Variants in CLDND1 observed in about 807,000 individuals in gnomAD.
The protein encoded by CLDND1 is claudin domain containing 1, also known as claudin domain-containing protein 1.
CLDND1 carries 13 observed loss-of-function variants against 26.3 expected under a neutral mutation model. That is an observed-to-expected ratio of 0.49 (90% confidence interval 0.32 to 0.78). CLDND1 has a LOEUF of 0.78. CLDND1 is among the 30% of genes least tolerant of loss of function. The probability of loss-of-function intolerance (pLI) is 0.03; values close to 1 mark genes in which losing one functional copy is unlikely to be tolerated. For synonymous variants in CLDND1, 107 were observed against 107.0 expected, an observed-to-expected ratio of 1.00 and a Z score of 0.00; for missense variants, 289 against 312.8, an observed-to-expected ratio of 0.92 and a Z score of 0.57.
At chr3:98,517,484 G>A in intron 3 of CLDND1, 1 of 295,590 alleles carries the variant, frequency 3.4e-6, no homozygotes, top group Non-Finnish European at 6.3e-6. Context: ...AGTAGGTACA[G>A]TCAGCCCTCC....
chr3:98,522,705 T>G, intron 1 of CLDND1, 144 bp downstream of exon 1: 1 of 1,521,982 alleles, frequency 6.6e-7, no homozygotes, highest in Non-Finnish European at 8.8e-7. Flanking sequence ...GGCCCCGCCC[T>G]AGAGGGCTCG....
At position 98,521,426 on chromosome 3, in the gene CLDND1, C is replaced by T. The variant is rs757256814; in HGVS notation, c.-2G>A. 1 of 1,613,754 alleles carries T rather than the reference C, an allele frequency of 6.2e-7. No homozygotes were observed. The highest frequency in any genetic ancestry group is 2.2e-5 in the East Asian group (1 of 44,868). On this transcript the variant is annotated 5_prime_UTR_variant, in exon 2 of 5. Coordinates refer to ENST00000341181, the MANE Select transcript of CLDND1 (RefSeq NM_001040181.2). ...TGCTGTAGCAAAACGGTTATCCATT[C>T]TGGCATTCAGACTGCTCTGTTTAGA...
At position 98,521,385 on chromosome 3, in the gene CLDND1, C is replaced by G; in HGVS notation, c.40G>C (p.Val14Leu). The change falls in exon 2 of 5, where the codon GTG (valine) becomes CTG (leucine). Residue 14 changes from valine (V) to leucine (L), a missense_variant. Val to Leu is a conservative substitution (Grantham distance 32, BLOSUM62 1). Transcript: ENST00000341181. ...RFATAFVIAC[V>L]LSLISTIYMA... ...TAGATGGTGGAAATGAGGCTAAGCACACAAGCAATTACAAATGCTGTAGCA... is the reference window on the plus strand; with the variant it reads ...TAGATGGTGGAAATGAGGCTAAGCAGACAAGCAATTACAAATGCTGTAGCA... 6.2e-7 allele frequency: 1 copy of G among 1,614,166 alleles called. No homozygotes were observed. Among genetic ancestry groups the G allele is most frequent in the Non-Finnish European group, 8.5e-7 (1 of 1,180,026 alleles).
At chr3:98,519,143 G>C (rs753105242) in intron 2 of CLDND1, 148 bp from the exon 3 acceptor site, 3 of 577,606 alleles carry the variant, frequency 5.2e-6, no homozygotes, top group Non-Finnish European at 9.2e-6. Context: ...AGGTTTCATA[G>C]ATGTCCAATG....
At position 98,522,283 on chromosome 3, in the gene CLDND1, G is replaced by C. The variant is rs552047725; in HGVS notation, c.-19+566C>G. On this transcript the variant is annotated intron_variant, in intron 1 of 4. Transcript: ENST00000341181. Reference sequence around the variant, plus strand: ...TCCCAAGGCGTGGACAGGGCTCAACGGCAGTAGTAAATGGCCGCGGTAAAA... The same window carrying C: ...TCCCAAGGCGTGGACAGGGCTCAACCGCAGTAGTAAATGGCCGCGGTAAAA... 15 of 158,296 alleles carry C rather than the reference G, an allele frequency of 9.5e-5. No homozygotes were observed. The South Asian group carries it at 2.7e-3, about 28-fold the overall frequency. 9.8% of individuals were successfully genotyped at this position (158,296 alleles called of 1,614,324 possible).
chr3:98,516,058 T>C lies in CLDND1; in HGVS notation c.*601A>G. The C allele has an allele frequency of 1.7e-6, 2 of 1,155,500 alleles. No homozygotes were observed. The highest frequency in any genetic ancestry group is 1.1e-6 in the Non-Finnish European group (1 of 925,158). 71.6% of individuals were successfully genotyped at this position (1,155,500 alleles called of 1,614,324 possible). On this transcript the variant is annotated 3_prime_UTR_variant, in exon 5 of 5. Transcript: ENST00000341181. ...AAGTTAAAATTTCAAGTAAACACTG[T>C]ATTTTTCACTTTTTGTAGACAGACA...
In CLDND1 at chr3:98,516,868, G is replaced by C. The variant is rs779474164; in HGVS notation, c.553C>G (p.Leu185Val). Residue 185 changes from leucine to valine, a missense_variant, in exon 5 of 5, where the codon CTG becomes GTG. Coordinates refer to ENST00000341181, the MANE Select transcript of CLDND1 (RefSeq NM_001040181.2). The stretch of plus-strand genomic sequence containing the variant: ...GCAACATAACAACTTACTGAGCCCA[G>C]TGTACACAGACCTTGGGGGAAAATT... ...ILHLLAGLCTLGSVSCYVAGI... is the reference protein window; with the variant it reads ...ILHLLAGLCTVGSVSCYVAGI... 1 of 1,614,040 alleles carries C rather than the reference G, an allele frequency of 6.2e-7. No homozygotes were observed. The highest frequency in any genetic ancestry group is 8.5e-7 in the Non-Finnish European group (1 of 1,179,986).
chr3:98,521,516 A>T, intron 1 of CLDND1, 74 bp from the exon 2 acceptor site: 6 of 1,514,296 alleles, frequency 4.0e-6, no homozygotes, highest in Non-Finnish European at 5.4e-6. Context: ...GAATTATTCC[A>T]AATGCACCCT....
rs143386758 is a variant in CLDND1, at chr3:98,519,352, C to A, written c.293-357G>T. Among the ~76,000 whole-genome samples the A allele has an allele frequency of 2.0e-5, 3 of 152,294 alleles. No homozygotes were observed. In the East Asian group the frequency reaches 5.8e-4, roughly 29 times the overall value. Reference sequence around the variant, plus strand: ...AACCATATTCCCATCTCAGGGAATGCCAAATCCACACTTCCAGTTCCTCAG... The same window carrying A: ...AACCATATTCCCATCTCAGGGAATGACAAATCCACACTTCCAGTTCCTCAG... On this transcript the variant is annotated intron_variant, in intron 2 of 4. Transcript: ENST00000341181.
chr3:98,519,969 T>C (rs1176010890), intron 2 of CLDND1, among the ~76,000 whole-genome samples: 1 of 152,218 alleles, frequency 6.6e-6, no homozygotes, highest in Non-Finnish European at 1.5e-5. Context: ...ATATTCCTTT[T>C]CCCACATATT....
chr3:98,521,030 G>T, intron 2 of CLDND1, 103 bp downstream of exon 2: 1 of 971,658 alleles, frequency 1.0e-6, no homozygotes, highest in Non-Finnish European at 1.6e-6. Flanking sequence ...TTTAAGGAGA[G>T]AGAGAACCAA....
chr3:98,521,185 C>G lies in CLDND1; in HGVS notation c.240G>C (p.Arg80=). 2.5e-6 allele frequency: 4 copies of G among 1,614,202 alleles called. No homozygotes were observed. Among genetic ancestry groups the G allele is most frequent in the Non-Finnish European group, 2.5e-6 (3 of 1,180,018 alleles). Residue 80 remains arginine (R), a synonymous_variant, in exon 2 of 5, where the codon CGG becomes CGC. Coordinates refer to ENST00000341181, the MANE Select transcript of CLDND1 (RefSeq NM_001040181.2). ...GCATGTTTTTGGGTATGGTGATACA[C>G]CGTCTCCACAATCCCACTGTGCCAT... ...RYNGTVGLWR[R]CITIPKNMHW...
chr3:98,515,826 T>C lies in CLDND1; in HGVS notation c.*833A>G. On this transcript the variant is annotated 3_prime_UTR_variant, in exon 5 of 5. Transcript: ENST00000341181. ...CATTATGGTGAAACGTTCTTTATAG[T>C]ACTGGGCTGGAATAAATAAATAGCA... is the stretch of plus-strand genomic sequence containing the variant. The C allele has an allele frequency of 7.8e-7, 1 of 1,289,510 alleles. No individual in the cohort carries two copies. The highest frequency in any genetic ancestry group is 1.0e-6 in the Non-Finnish European group (1 of 988,656). 79.9% of individuals were successfully genotyped at this position (1,289,510 alleles called of 1,614,324 possible). A position where few individuals can be genotyped will look rare whatever the true frequency, so the allele number is the denominator to read the frequency against.
At position 98,515,991 on chromosome 3, in the gene CLDND1, T is replaced by C. The variant is rs1706123465; in HGVS notation, c.*668A>G. On this transcript the variant is annotated 3_prime_UTR_variant, in exon 5 of 5. Coordinates refer to ENST00000341181, the MANE Select transcript of CLDND1 (RefSeq NM_001040181.2). Reference sequence around the variant, plus strand: ...AAATCTTACGGAGAGTTAAAAATAATACTAATCCTCGCCCGGCTGAACTGG... The same window carrying C: ...AAATCTTACGGAGAGTTAAAAATAACACTAATCCTCGCCCGGCTGAACTGG... The C allele has an allele frequency of 2.5e-6, 3 of 1,181,964 alleles. No homozygotes were observed. Among genetic ancestry groups the C allele is most frequent in the Non-Finnish European group, 2.1e-6 (2 of 938,592 alleles). The allele number at this position is 1,181,964 out of a possible 1,614,324, so 73.2% of individuals were successfully genotyped here. A position where few individuals can be genotyped will look rare whatever the true frequency, so the allele number is the denominator to read the frequency against.
Position 98,518,965 on chromosome 3 carries a change from C to T in CLDND1, c.323G>A (p.Ser108Asn), listed in dbSNP as rs970136420. 1 of 1,612,246 alleles carries T rather than the reference C, an allele frequency of 6.2e-7. No individual in the cohort carries two copies. Among genetic ancestry groups the T allele is most frequent in the Admixed American group, 1.7e-5 (1 of 59,838 alleles). Residue 108 changes from serine (S) to asparagine (N), a missense_variant, in exon 3 of 5, where the codon AGT becomes AAT. By Grantham distance (46) the Ser-to-Asn change is conservative (BLOSUM62 1). Transcript: ENST00000341181. ...ESFDVVTKCVSFTLTEQFMEK... is the reference protein window; with the variant it reads ...ESFDVVTKCVNFTLTEQFMEK... Reference sequence around the variant, plus strand: ...CATGAACTGCTCAGTTAGTGTGAAACTCACACATTTTGTGACCACATCAAA... The same window carrying T: ...CATGAACTGCTCAGTTAGTGTGAAATTCACACATTTTGTGACCACATCAAA...
Position 98,515,933 on chromosome 3 carries a change from G to T in CLDND1, c.*726C>A, listed in dbSNP as rs1409305852. ...ATAACCCTGGTATGTGAAGAGGAAA[G>T]AAAAAAAATCCAAAACAATTTGGTG... On this transcript the variant is annotated 3_prime_UTR_variant, in exon 5 of 5. Transcript: ENST00000341181. 1 of 1,196,858 alleles carries T rather than the reference G, an allele frequency of 8.4e-7. No individual in the cohort carries two copies. The highest frequency in any genetic ancestry group is 1.1e-6 in the Non-Finnish European group (1 of 941,378). The allele number at this position is 1,196,858 out of a possible 1,614,324, so 74.1% of individuals were successfully genotyped here.
At chr3:98,521,725 T>C (rs770335129) in intron 1 of CLDND1, 10 of 1,603,746 alleles carry the variant, frequency 6.2e-6, no homozygotes, top group Non-Finnish European at 6.8e-6. Flanking sequence ...AACACTGAAA[T>C]GGACATACAC....
In CLDND1 at chr3:98,515,750, T is replaced by C; in HGVS notation, c.*909A>G. 1 of 1,289,814 alleles carries C rather than the reference T, an allele frequency of 7.8e-7. No individual in the cohort carries two copies. Among genetic ancestry groups the C allele is most frequent in the Non-Finnish European group, 1.0e-6 (1 of 988,860 alleles). The allele number at this position is 1,289,814 out of a possible 1,614,324, so 79.9% of individuals were successfully genotyped here. A position where few individuals can be genotyped will look rare whatever the true frequency, so the allele number is the denominator to read the frequency against. ...AATAAAGACCATAGTTGGAGGTTAA[T>C]GGACAGCCAGAACTTTAGATCTTGT... On this transcript the variant is annotated 3_prime_UTR_variant, in exon 5 of 5. Coordinates refer to ENST00000341181, the MANE Select transcript of CLDND1 (RefSeq NM_001040181.2).
rs1706130531 is a variant in CLDND1 at position 98,516,217 on chromosome 3, T to C, written c.*442A>G. ...TGAAAACAGCACTAATACTGCTGGTTGACTGGCTATCTACAACAGCAAAGT... is the reference window on the plus strand; with the variant it reads ...TGAAAACAGCACTAATACTGCTGGTCGACTGGCTATCTACAACAGCAAAGT... On this transcript the variant is annotated 3_prime_UTR_variant, in exon 5 of 5. Coordinates refer to ENST00000341181, the MANE Select transcript of CLDND1 (RefSeq NM_001040181.2). The C allele has an allele frequency of 9.6e-7, 1 of 1,038,024 alleles. No homozygotes were observed. The highest frequency in any genetic ancestry group is 3.4e-5 in the South Asian group (1 of 29,262). The allele number at this position is 1,038,024 out of a possible 1,614,324, so 64.3% of individuals were successfully genotyped here.
Sources: allele counts gnomAD v4.1 joint callset (sites outside exome capture counted in the v4.1 genomes callset), GRCh38; gene constraint gnomAD v4.1.1; transcripts MANE v1.5; gene names NCBI Gene and HGNC (gene_info 2026-07-23, HGNC 2026-07-21).